The following DAAM2 variants were observed in gnomAD, a reference collection of about 807,000 sequenced individuals.
The protein encoded by DAAM2 is dishevelled associated activator of morphogenesis 2.
Under a neutral mutation model 120.7 loss-of-function variants are expected in DAAM2, and 39 were observed. The observed-to-expected ratio is 0.32, with a 90% CI of 0.25 to 0.42. The LOEUF (loss-of-function observed/expected upper bound fraction) is 0.42. DAAM2 is among the 10% of genes least tolerant of loss of function. The pLI is 1.00. For missense variants in DAAM2, 1,283 were observed against 1,401.7 expected, an observed-to-expected ratio of 0.92 and a Z score of 1.35; for synonymous variants, 488 against 524.9, an observed-to-expected ratio of 0.93 and a Z score of 0.96.
chr6:39,840,062 A>G (rs1167764996), intron 1 of DAAM2, among the ~76,000 whole-genome samples: 1 of 152,166 alleles, frequency 6.6e-6, no homozygotes, highest in Admixed American at 6.5e-5. Context: ...CCCTGTCTCT[A>G]CACAAAATCC....
intron 14 of DAAM2, among the ~76,000 whole-genome samples, chr6:39,881,202 G>A (rs1765101480): frequency 6.6e-6 from 1 of 151,684 alleles, no homozygotes; most frequent in Admixed American, 6.6e-5. Flanking sequence ...TTGCCCAGGG[G>A]CCCAGAGCAG....
rs1307141948 is a variant in DAAM2, at chr6:39,879,644, T to A, written c.1845+167T>A. ...AAGTGGGTTTGCTGTGCCAGGCAGC[T>A]CACGGTCAGAACACCTACCCTGGGA... On this transcript the variant is annotated intron_variant, in intron 14 of 24. Coordinates refer to ENST00000274867, the MANE Select transcript of DAAM2 (RefSeq NM_001201427.2). The A allele has an allele frequency of 3.6e-6, 3 of 844,284 alleles. No individual in the cohort carries two copies. The East Asian group carries it at 7.7e-5, about 22-fold the overall frequency. The allele number at this position is 844,284 out of a possible 1,614,324, so 52.3% of individuals were successfully genotyped here. A position where few individuals can be genotyped will look rare whatever the true frequency, so the allele number is the denominator to read the frequency against.
chr6:39,891,576 CT>C (rs1765722386), intron 18 of DAAM2, 57 bp from the exon 19 acceptor site: 5 of 1,550,066 alleles, frequency 3.2e-6, no homozygotes, highest in Middle Eastern at 1.8e-4. Flanking sequence ...GCTCCGGGAG[CT>C]GGGGCTGGCC....
At chr6:39,844,107 T>G (rs9462578) in intron 1 of DAAM2, among the ~76,000 whole-genome samples, 78,135 of 151,926 alleles carry the variant, frequency 0.51, 20,530 homozygotes, top group African/African-American at 0.62. Flanking sequence ...TAAATAATAG[T>G]TGTAAAATTT....
In DAAM2 at chr6:39,820,392, G is replaced by A. The variant is rs1244944017; in HGVS notation, c.-57+27927G>A. ...TAATTTTATTTAAAACCTGCCTGTG[G>A]ATCTATAATAGGCAAAACTTAACTC... On this transcript the variant is annotated intron_variant, in intron 1 of 24. Transcript: ENST00000274867. The A allele has an allele frequency of 4.6e-5, 7 of 152,270 alleles. No homozygotes were observed. The East Asian group carries it at 1.3e-3, about 29-fold the overall frequency. 9.4% of individuals were successfully genotyped at this position (152,270 alleles called of 1,614,324 possible). A position where few individuals can be genotyped will look rare whatever the true frequency, so the allele number is the denominator to read the frequency against.
At chr6:39,818,155 G>A (rs1365731657) in intron 1 of DAAM2, among the ~76,000 whole-genome samples, 3 of 148,042 alleles carry the variant, frequency 2.0e-5, no homozygotes. Flanking sequence ...CTCCAGCCTG[G>A]GTGACAGAGT....
chr6:39,840,485 T>A (rs951370179), intron 1 of DAAM2, among the ~76,000 whole-genome samples: 8 of 152,176 alleles, frequency 5.3e-5, no homozygotes, highest in Non-Finnish European at 1.2e-4. Flanking sequence ...GTCTTTGAAG[T>A]TCGGGGTGGT....
At chr6:39,898,530 A>G (rs1362166143) in intron 21 of DAAM2, among the ~76,000 whole-genome samples, 1 of 152,252 alleles carries the variant, frequency 6.6e-6, no homozygotes, top group East Asian at 1.9e-4. Flanking sequence ...TATTGCTTGC[A>G]GGATCACATA....
chr6:39,828,354 G>A (rs1354664081), intron 1 of DAAM2, among the ~76,000 whole-genome samples: 1 of 152,158 alleles, frequency 6.6e-6, no homozygotes. Context: ...AAACTGTAAA[G>A]AGCATAGGTA....
intron 1 of DAAM2, among the ~76,000 whole-genome samples, chr6:39,837,364 A>C (rs1028438933): frequency 2.0e-5 from 3 of 152,096 alleles, no homozygotes; most frequent in Non-Finnish European, 4.4e-5. Context: ...TTAGGAGTGC[A>C]TTTGGCCAGT....
chr6:39,875,967 C>T (rs1764852678), intron 11 of DAAM2, among the ~76,000 whole-genome samples: 1 of 152,088 alleles, frequency 6.6e-6, no homozygotes, highest in Admixed American at 6.5e-5. Flanking sequence ...TTTCAAACAA[C>T]ACACACACAC....
intron 19 of DAAM2, among the ~76,000 whole-genome samples, chr6:39,891,981 C>G (rs997774608): frequency 3.9e-5 from 6 of 152,214 alleles, no homozygotes; most frequent in African/African-American, 1.4e-4. Context: ...CGTCTGTTGA[C>G]ATCTGCCCCA....
intron 17 of DAAM2, among the ~76,000 whole-genome samples, chr6:39,890,814 C>T (rs1022020915): frequency 1.1e-4 from 16 of 152,120 alleles, no homozygotes; most frequent in Admixed American, 6.5e-5. Context: ...TTAGGCTAGA[C>T]GTGGTGGCTC....
chr6:39,898,730 A>G (rs534231858), intron 21 of DAAM2, 147 bp from the exon 22 acceptor site: 1 of 709,004 alleles, frequency 1.4e-6, no homozygotes, highest in Admixed American at 2.3e-5. Flanking sequence ...TGTCAGGGCC[A>G]ACATCAATGG....
rs1321976901 is a variant in DAAM2, at chr6:39,904,387, G to C, written c.*2350G>C. 6.6e-6 allele frequency: 3 copies of C among 456,244 alleles called. No homozygotes were observed. Among genetic ancestry groups the C allele is most frequent in the African/African-American group, 6.0e-5 (3 of 50,066 alleles). 28.3% of individuals were successfully genotyped at this position (456,244 alleles called of 1,614,324 possible). A position where few individuals can be genotyped will look rare whatever the true frequency, so the allele number is the denominator to read the frequency against. ...GGACTCATACTCAACTGAGTAAGAA[G>C]GGGCTGGTGCCCAGTCGGGGTGGCT... On this transcript the variant is annotated 3_prime_UTR_variant, in exon 25 of 25. Coordinates refer to ENST00000274867, the MANE Select transcript of DAAM2 (RefSeq NM_001201427.2).
In DAAM2 at chr6:39,818,051, C is replaced by T. The variant is rs113712205; in HGVS notation, c.-57+25586C>T. Among the ~76,000 whole-genome samples, 122 of 151,944 alleles carry T rather than the reference C, an allele frequency of 8.0e-4. 1 individual carries two copies. The highest frequency in any genetic ancestry group is 1.6e-3 in the Admixed American group (25 of 15,270). On this transcript the variant is annotated intron_variant, in intron 1 of 24. Coordinates refer to ENST00000274867, the MANE Select transcript of DAAM2 (RefSeq NM_001201427.2). ...AAAATTAGTCGGGCATGGTAGCACA[C>T]GCCTGTAGTCCTAGCTATTTGGGAG...
intron 19 of DAAM2, 58 bp from the exon 20 acceptor site, chr6:39,896,754 T>G: frequency 3.6e-5 from 52 of 1,435,672 alleles, no homozygotes; most frequent in Non-Finnish European, 4.3e-5. Context: ...TGGGGTGCAA[T>G]GAGAACTGCT....
At position 39,901,783 on chromosome 6, in the gene DAAM2, G is replaced by T. The variant is rs1766500460; in HGVS notation, c.2983-30G>T. The T allele has an allele frequency of 6.7e-7, 1 of 1,499,976 alleles. No homozygotes were observed. The highest frequency in any genetic ancestry group is 8.9e-7 in the Non-Finnish European group (1 of 1,128,010). 92.9% of individuals were successfully genotyped at this position (1,499,976 alleles called of 1,614,324 possible). A position where few individuals can be genotyped will look rare whatever the true frequency, so the allele number is the denominator to read the frequency against. On this transcript the variant is annotated intron_variant, in intron 24 of 24. Transcript: ENST00000274867. This position sits in a 1 kb window ranked among gnomAD's most constrained non-coding sequence, Gnocchi z 4.5. ...CTGGCCTCAGCGCCTCTCCCTGAGA[G>T]GGTTCCTATCTTTGGCCCCCCGCCC...
At position 39,878,680 on chromosome 6, in the gene DAAM2, C is replaced by A; in HGVS notation, c.1545+92C>A. 1 of 1,328,968 alleles carries A rather than the reference C, an allele frequency of 7.5e-7. No individual in the cohort carries two copies. The highest frequency in any genetic ancestry group is 1.0e-6 in the Non-Finnish European group (1 of 973,386). The allele number at this position is 1,328,968 out of a possible 1,614,324, so 82.3% of individuals were successfully genotyped here. On this transcript the variant is annotated intron_variant, in intron 13 of 24. Coordinates refer to ENST00000274867, the MANE Select transcript of DAAM2 (RefSeq NM_001201427.2). The surrounding 1 kb of genome is among the most constrained non-coding windows in gnomAD (Gnocchi z 5.0). ...AGCAGGTGTCGGAGAGGCCAAGGAC[C>A]CCAGCATGAGGGAGAAGGGAGATGG...
Sources: gnomAD v4.1 joint callset for allele counts (sites outside exome capture counted in the v4.1 genomes callset) on GRCh38, gnomAD v4.1.1 for gene constraint, Gnocchi (gnomAD v3.1) non-coding constraint, MANE v1.5 for transcripts, NCBI Gene and HGNC (gene_info 2026-07-23, HGNC 2026-07-21) for gene names.